DMD: variants seen among roughly 807,000 people sequenced by gnomAD.
DMD encodes mutant dystrophin.
In DMD, 63 loss-of-function variants were observed where a neutral mutation model predicts 330.1. The observed-to-expected ratio is 0.19, with a 90% confidence interval of 0.16 to 0.24. The LOEUF (loss-of-function observed/expected upper bound fraction) is 0.24. Ranked by LOEUF, DMD falls within the 10% of genes least tolerant of loss-of-function variation. The pLI, the probability that DMD is intolerant of heterozygous loss-of-function variation, is 1.00. For missense variants in DMD, 3,344 were observed against 2,684.1 expected (o/e 1.25, Z -5.43); for synonymous variants, 1,223 against 959.8 (o/e 1.27, Z -5.07).
intron 54 of DMD, among the ~76,000 whole-genome samples, chrX:31,643,305 A>G (rs2079884083): frequency 8.9e-6 from 1 of 112,082 alleles, no homozygotes; most frequent in African/African-American, 3.2e-5. Flanking sequence ...TTTTGTAGGG[A>G]AAAATGGTAT....
At chrX:31,652,196 T>C (rs1233216661) in intron 54 of DMD, among the ~76,000 whole-genome samples, 1 of 111,861 alleles carries the variant, frequency 8.9e-6, no homozygotes, top group Non-Finnish European at 1.9e-5. Flanking sequence ...TCAGGTCTTT[T>C]AGAATTTGCT....
chrX:33,336,255 G>A (rs1386344815), intron 1 of DMD, among the ~76,000 whole-genome samples: 5 of 24,009 alleles, frequency 2.1e-4, no homozygotes, highest in African/African-American at 1.6e-3. Flanking sequence ...TCCAAAGCGT[G>A]TGTGTGTGTG....
At chrX:33,045,382 T>C (rs1238140843) in intron 1 of DMD, among the ~76,000 whole-genome samples, 1 of 107,077 alleles carries the variant, frequency 9.3e-6, no homozygotes, top group African/African-American at 3.4e-5. Flanking sequence ...AGTTCCATCC[T>C]TTGCAAGTAA....
At chrX:33,070,714 C>G (rs868026626) in intron 1 of DMD, among the ~76,000 whole-genome samples, 1 of 41,835 alleles carries the variant, frequency 2.4e-5, no homozygotes, top group Non-Finnish European at 4.3e-5. Flanking sequence ...TATATATGTT[C>G]ATATCTATAT....
At chrX:32,469,773 T>G (rs1003412627) in intron 22 of DMD, among the ~76,000 whole-genome samples, 9 of 111,048 alleles carry the variant, frequency 8.1e-5, no homozygotes, top group Non-Finnish European at 1.7e-4. Flanking sequence ...TTTCCATTAT[T>G]AGTTCTACAC....
chrX:31,564,710 T>C (rs1349348204), intron 55 of DMD, among the ~76,000 whole-genome samples: 1 of 112,413 alleles, frequency 8.9e-6, no homozygotes, highest in African/African-American at 3.2e-5. Context: ...TCTTCTTTTG[T>C]ACTTTCTGTG....
At chrX:31,148,571 G>C (rs934672351) in intron 74 of DMD, among the ~76,000 whole-genome samples, 1 of 112,241 alleles carries the variant, frequency 8.9e-6, no homozygotes, top group Non-Finnish European at 1.9e-5. Context: ...AATATAGTTT[G>C]ATGTGGAATT....
intron 34 of DMD, among the ~76,000 whole-genome samples, chrX:32,367,396 G>C (rs1004653820): frequency 8.9e-6 from 1 of 112,191 alleles, no homozygotes; most frequent in East Asian, 2.8e-4. Flanking sequence ...TCTCGCTGTA[G>C]TTGATTTATT....
In DMD at chrX:32,362,879, C is replaced by T. The variant is rs1801187; in HGVS notation, c.5234G>A (p.Arg1745His). ...TACTAATTTCCTGCAGTGGTCACCG[C>T]GGTTTGCCATCAAGTTTGCTGCTTG... is the stretch of plus-strand genomic sequence containing the variant. The part of the protein sequence containing the change: ...RDQAANLMAN[R>H]GDHCRKLVEP... The change falls in exon 37 of 79, where the codon CGC (arginine) becomes CAC (histidine). Residue 1745 changes from arginine (R) to histidine (H), a missense_variant. By Grantham distance (29) the Arg-to-His change is conservative. Transcript: ENST00000357033. The T allele has an allele frequency of 0.48, 575,589 of 1,207,521 alleles. 96,016 individuals carry two copies. The highest frequency in any genetic ancestry group is 0.69 in the East Asian group (23,124 of 33,624).
chrX:32,623,280 G>T (rs140791704), intron 11 of DMD, among the ~76,000 whole-genome samples: 1 of 111,576 alleles, frequency 9.0e-6, no homozygotes, highest in Admixed American at 9.5e-5. Flanking sequence ...GTGGTCCATT[G>T]CAAGGCTGAA....
chrX:32,688,187 C>A (rs1334060304), intron 9 of DMD, among the ~76,000 whole-genome samples: 3 of 110,672 alleles, frequency 2.7e-5, no homozygotes, highest in African/African-American at 9.9e-5. Flanking sequence ...CGACAAATCC[C>A]ATAAAATGTA....
At chrX:31,343,003 C>T (rs1282337124) in intron 61 of DMD, among the ~76,000 whole-genome samples, 1 of 111,303 alleles carries the variant, frequency 9.0e-6, no homozygotes, top group South Asian at 3.8e-4. Flanking sequence ...GTCTTGAACT[C>T]CTGACCTCAA....
chrX:32,401,966 G>T (rs1245838153), intron 30 of DMD, among the ~76,000 whole-genome samples: 1 of 112,108 alleles, frequency 8.9e-6, no homozygotes, highest in Non-Finnish European at 1.9e-5. Flanking sequence ...GAAATAATTG[G>T]GAGATTGTAC....
At chrX:33,008,354 T>C (rs1189586469) in intron 2 of DMD, among the ~76,000 whole-genome samples, 2 of 111,083 alleles carry the variant, frequency 1.8e-5, no homozygotes, top group African/African-American at 6.5e-5. Flanking sequence ...CTTAATTCTT[T>C]GTGTTCTGGC....
At chrX:31,223,843 CAT>C (rs1188554766) in intron 63 of DMD, among the ~76,000 whole-genome samples, 1 of 112,314 alleles carries the variant, frequency 8.9e-6, no homozygotes. Flanking sequence ...TTTTATCCAA[CAT>C]ATGTGTCTAT....
At chrX:32,380,784 AT>A in intron 33 of DMD, 104 bp from the exon 34 acceptor site, 1 of 628,221 alleles carries the variant, frequency 1.6e-6, no homozygotes, top group Middle Eastern at 3.9e-4. Flanking sequence ...TAAAATAACT[AT>A]TTTCTTACAC....
At chrX:32,502,307 A>C (rs966168489) in intron 18 of DMD, among the ~76,000 whole-genome samples, 1 of 111,530 alleles carries the variant, frequency 9.0e-6, no homozygotes, top group African/African-American at 3.2e-5. Flanking sequence ...TTTAGCAGAA[A>C]TATATAATAT....
At chrX:32,252,677 A>AATATATATATAAATATATATAAAT (rs766322442) in intron 43 of DMD, among the ~76,000 whole-genome samples, 7 of 33,568 alleles carry the variant, frequency 2.1e-4, no homozygotes, top group Admixed American at 5.4e-4. Flanking sequence ...TATATATATA[A>AATATATATATAAATATATATAAAT]ATATATAAAT....
intron 29 of DMD, among the ~76,000 whole-genome samples, chrX:32,417,738 A>G (rs1232726153): frequency 9.1e-6 from 1 of 110,398 alleles, no homozygotes; most frequent in Non-Finnish European, 1.9e-5. Flanking sequence ...CTTCTTAAAG[A>G]TGGGGAAAAC....
Sources: gnomAD v4.1 joint callset for allele counts (sites outside exome capture counted in the v4.1 genomes callset) on GRCh38, gnomAD v4.1.1 for gene constraint, MANE v1.5 for transcripts, NCBI Gene and HGNC (gene_info 2026-07-23, HGNC 2026-07-21) for gene names.